Variants in SLC17A3 observed in about 807,000 individuals in gnomAD.
SLC17A3 encodes sodium-dependent phosphate transport protein 4.
A neutral mutation model predicts 60.3 loss-of-function variants in SLC17A3; 61 were observed. The observed-to-expected ratio is 1.01, with a 90% CI of 0.82 to 1.25. The LOEUF (loss-of-function observed/expected upper bound fraction) is 1.25. SLC17A3 is among the 50% of genes most tolerant of loss of function. The pLI is 0.00. For missense variants in SLC17A3, 624 were observed against 594.9 expected, an observed-to-expected ratio of 1.05 and a Z score of -0.51; for synonymous variants, 192 against 208.9, an observed-to-expected ratio of 0.92 and a Z score of 0.70.
rs1247180673 is a variant in SLC17A3, at chr6:25,849,475, C to T, written c.1272-11G>A. ...AGAAAACTGGAATACCTGTGGGTGACAGGAATGTTCCGGTCTAGATCCAGA... is the reference window on the plus strand; with the variant it reads ...AGAAAACTGGAATACCTGTGGGTGATAGGAATGTTCCGGTCTAGATCCAGA... On this transcript the variant is annotated splice_polypyrimidine_tract_variant and intron_variant, in intron 10 of 12. Transcript: ENST00000397060. 1 of 1,558,702 alleles carries T rather than the reference C, an allele frequency of 6.4e-7. No homozygotes were observed. Among genetic ancestry groups the T allele is most frequent in the Admixed American group, 1.7e-5 (1 of 59,938 alleles).
At chr6:25,855,089 C>G (rs1765336887) in intron 6 of SLC17A3, 55 bp downstream of exon 6, 9 of 1,115,968 alleles carry the variant, frequency 8.1e-6, no homozygotes, top group Non-Finnish European at 9.6e-6. Context: ...AATATACTTA[C>G]TGAGGAGAAT....
At chr6:25,872,326 C>T (rs1249267834) in intron 1 of SLC17A3, among the ~76,000 whole-genome samples, 1 of 122,212 alleles carries the variant, frequency 8.2e-6, no homozygotes, top group Non-Finnish European at 1.6e-5. Context: ...CGAGCTTTAA[C>T]GCCAAAAAAA....
intron 6 of SLC17A3, among the ~76,000 whole-genome samples, chr6:25,853,135 T>C (rs1765305708): frequency 6.6e-6 from 1 of 152,192 alleles, no homozygotes; most frequent in Admixed American, 6.5e-5. Flanking sequence ...CTTATGAAAA[T>C]GAGTACTATC....
At chr6:25,860,656 A>G (rs1765431685) in intron 5 of SLC17A3, among the ~76,000 whole-genome samples, 1 of 152,154 alleles carries the variant, frequency 6.6e-6, no homozygotes. Flanking sequence ...AACTTCTGGA[A>G]CCTGCACCCT....
chr6:25,850,125 A>C lies in SLC17A3; in HGVS notation c.1046T>G (p.Val349Gly). ...AAGGAAATCTGCCAGATAGCCTCCC[A>C]CCATGCCTATGACCCAGGCAACAAT... ...PFIVAWVIGM[V>G]GGYLADFLLT... Residue 349 changes from valine to glycine, a missense_variant, in exon 9 of 13, where the codon GTG becomes GGG. Coordinates refer to ENST00000397060, the MANE Select transcript of SLC17A3 (RefSeq NM_001098486.2). The C allele has an allele frequency of 6.2e-7, 1 of 1,613,710 alleles. No individual in the cohort carries two copies. The highest frequency in any genetic ancestry group is 8.5e-7 in the Non-Finnish European group (1 of 1,179,632).
At position 25,861,720 on chromosome 6, in the gene SLC17A3, A is replaced by G; in HGVS notation, c.538-9T>C. ...CCCCCAAGTATTGAGGACTGAAATT[A>G]AAATGATTAGAGTTCTTAATGTGTG... On this transcript the variant is annotated splice_polypyrimidine_tract_variant and intron_variant, in intron 4 of 12. Transcript: ENST00000397060. 2 of 1,613,646 alleles carry G rather than the reference A, an allele frequency of 1.2e-6. No homozygotes were observed. The highest frequency in any genetic ancestry group is 1.1e-5 in the South Asian group (1 of 91,078).
chr6:25,857,966 C>T (rs536280869), intron 5 of SLC17A3, among the ~76,000 whole-genome samples: 13 of 152,268 alleles, frequency 8.5e-5, no homozygotes, highest in African/African-American at 3.1e-4. Flanking sequence ...CTTCCCTCCT[C>T]AACTCTTGAA....
rs779053050 is a variant in SLC17A3, at chr6:25,850,444, A to C, written c.993+15T>G. On this transcript the variant is annotated intron_variant, in intron 8 of 12. Transcript: ENST00000397060. ...CATGCAAGCAGGAGAAAGGAAGGGA[A>C]GGAAACATACTCACGTCTCTGATGT... The C allele has an allele frequency of 4.3e-6, 7 of 1,612,926 alleles. No individual in the cohort carries two copies. The Admixed American group carries it at 8.3e-5, about 19-fold the overall frequency.
At position 25,849,916 on chromosome 6, in the gene SLC17A3, G is replaced by A. The variant is rs759306439; in HGVS notation, c.1160C>T (p.Pro387Leu). The A allele has an allele frequency of 1.9e-6, 3 of 1,613,974 alleles. No individual in the cohort carries two copies. Among genetic ancestry groups the A allele is most frequent in the Non-Finnish European group, 2.5e-6 (3 of 1,179,926 alleles). ...LPSSALIVSL[P>L]YLNSGYITAT... ...TGTGATATAGCCGGAATTGAGGTAA[G>A]GCAGAGACACAATGAGTGCTGAAGA... Residue 387 changes from proline (P) to leucine (L), a missense_variant, in exon 10 of 13, where the codon CCT (proline) becomes CTT (leucine). Physicochemically the swap from Pro to Leu is moderately conservative, Grantham distance 98. Transcript: ENST00000397060.
chr6:25,853,681 G>C (rs1442088865), intron 6 of SLC17A3, among the ~76,000 whole-genome samples: 1 of 152,030 alleles, frequency 6.6e-6, no homozygotes, highest in Non-Finnish European at 1.5e-5. Flanking sequence ...GCCTCCCAAA[G>C]TGCTGGGATT....
chr6:25,861,741 G>A (rs1765451070), intron 4 of SLC17A3, 30 bp from the exon 5 acceptor site: 2 of 1,609,454 alleles, frequency 1.2e-6, no homozygotes, highest in Non-Finnish European at 1.7e-6. Context: ...AGTTCTTAAT[G>A]TGTGGTGCCA....
intron 9 of SLC17A3, 33 bp from the exon 10 acceptor site, chr6:25,849,985 G>A (rs777457565): frequency 3.1e-6 from 5 of 1,613,972 alleles, no homozygotes; most frequent in African/African-American, 1.3e-5. Context: ...ATTAAACAGT[G>A]AGATGCATTC....
At chr6:25,865,008 A>T (rs1765512455) in intron 2 of SLC17A3, among the ~76,000 whole-genome samples, 1 of 151,936 alleles carries the variant, frequency 6.6e-6, no homozygotes, top group Non-Finnish European at 1.5e-5. Context: ...AGTTTCAGGG[A>T]AGAGGAAGTC....
chr6:25,864,133 G>A (rs1765497209), intron 2 of SLC17A3, among the ~76,000 whole-genome samples: 1 of 151,988 alleles, frequency 6.6e-6, no homozygotes. Flanking sequence ...TGGTTGGAGA[G>A]CGCCTGGTAT....
At chr6:25,872,329 C>CAAAA (rs35631811) in intron 1 of SLC17A3, among the ~76,000 whole-genome samples, 2 of 95,314 alleles carry the variant, frequency 2.1e-5, no homozygotes, top group African/African-American at 3.3e-5. Flanking sequence ...GCTTTAACGC[C>CAAAA]AAAAAAAAAA....
At chr6:25,871,190 G>A (rs1314655425) in intron 1 of SLC17A3, among the ~76,000 whole-genome samples, 4 of 151,964 alleles carry the variant, frequency 2.6e-5, no homozygotes, top group African/African-American at 4.8e-5. Context: ...ACATGTACAC[G>A]AATGTTTATT....
chr6:25,868,195 A>T (rs1765569531), intron 2 of SLC17A3, 102 bp downstream of exon 2: 2 of 861,022 alleles, frequency 2.3e-6, no homozygotes, highest in Non-Finnish European at 3.9e-6. Context: ...TTGTAAAAAG[A>T]ATTAAAGAAC....
chr6:25,855,082 A>T, intron 6 of SLC17A3, 62 bp downstream of exon 6: 1 of 1,058,526 alleles, frequency 9.4e-7, no homozygotes, highest in Non-Finnish European at 1.5e-6. Context: ...TACACAAAAT[A>T]TACTTACTGA....
chr6:25,868,192 A>G, intron 2 of SLC17A3, 105 bp downstream of exon 2: 2 of 839,998 alleles, frequency 2.4e-6, no homozygotes, highest in Admixed American at 4.1e-5. Context: ...GATTTGTAAA[A>G]AGAATTAAAG....
Sources: gnomAD v4.1 joint callset for allele counts (sites outside exome capture counted in the v4.1 genomes callset) on GRCh38, gnomAD v4.1.1 for gene constraint, MANE v1.5 for transcripts, NCBI Gene and HGNC (gene_info 2026-07-23, HGNC 2026-07-21) for gene names.